The following PKNOX2 variants were observed in gnomAD, a reference collection of about 807,000 sequenced individuals.
PKNOX2 encodes the protein PBX/knotted 1 homeobox 2, also known as homeobox protein PKNOX2.
PKNOX2 carries 14 observed loss-of-function variants against 53.1 expected under a neutral mutation model. The ratio of observed to expected loss-of-function variants is 0.26; its 90% CI spans 0.17 to 0.41. The LOEUF (loss-of-function observed/expected upper bound fraction) is 0.41. Among genes scored for constraint, PKNOX2 ranks in the 10% least tolerant of loss-of-function variants. The pLI is 1.00. For missense variants in PKNOX2, 496 were observed against 602.8 expected (o/e 0.82, Z 1.85); for synonymous variants, 257 against 242.8 (o/e 1.06, Z -0.54).
At chr11:125,226,803 C>T (rs1941734921) in intron 1 of PKNOX2, among the ~76,000 whole-genome samples, 1 of 149,690 alleles carries the variant, frequency 6.7e-6, no homozygotes, top group African/African-American at 2.5e-5. Context: ...TAAATCGTTG[C>T]TCATTTTTCC....
At chr11:125,307,853 A>G (rs1948564378) in intron 2 of PKNOX2, among the ~76,000 whole-genome samples, 1 of 152,206 alleles carries the variant, frequency 6.6e-6, no homozygotes, top group South Asian at 2.1e-4. Context: ...CTAGTGGAGG[A>G]AACACATCAG....
intron 1 of PKNOX2, among the ~76,000 whole-genome samples, chr11:125,214,656 T>C (rs1380977288): frequency 6.6e-6 from 1 of 152,086 alleles, no homozygotes; most frequent in Non-Finnish European, 1.5e-5. Context: ...CTAGTTAGCA[T>C]CTGCACCATC....
At chr11:125,321,228 A>G (rs1384533219) in intron 2 of PKNOX2, among the ~76,000 whole-genome samples, 1 of 152,222 alleles carries the variant, frequency 6.6e-6, no homozygotes, top group African/African-American at 2.4e-5. Context: ...AGAGATCAGC[A>G]AACTTTTTCT....
At chr11:125,290,750 A>C (rs565811101) in intron 2 of PKNOX2, among the ~76,000 whole-genome samples, 1 of 152,286 alleles carries the variant, frequency 6.6e-6, no homozygotes, top group African/African-American at 2.4e-5. Context: ...GGATGCTCAC[A>C]GTGTGGTGGA....
chr11:125,214,570 G>A (rs771993381), intron 1 of PKNOX2, among the ~76,000 whole-genome samples: 2 of 152,042 alleles, frequency 1.3e-5, no homozygotes, highest in East Asian at 1.9e-4. Flanking sequence ...TTTTGCCTGG[G>A]CTGGCCCTGC....
At chr11:125,172,457 A>G (rs1223658103) in intron 1 of PKNOX2, among the ~76,000 whole-genome samples, 3 of 152,168 alleles carry the variant, frequency 2.0e-5, no homozygotes, top group Non-Finnish European at 2.9e-5. Flanking sequence ...GCCCTCTTCC[A>G]TCTCAGGAAC....
intron 2 of PKNOX2, among the ~76,000 whole-genome samples, chr11:125,312,822 T>C (rs1292532270): frequency 1.3e-5 from 2 of 152,100 alleles, no homozygotes; most frequent in African/African-American, 4.8e-5. Flanking sequence ...GCCAGGATGA[T>C]CAGACAAGGT....
intron 1 of PKNOX2, among the ~76,000 whole-genome samples, chr11:125,189,084 C>A (rs1043461561): frequency 5.3e-5 from 8 of 151,782 alleles, no homozygotes; most frequent in African/African-American, 1.9e-4. Flanking sequence ...TTGCTCTCTT[C>A]GTATTTTGGG....
intron 2 of PKNOX2, among the ~76,000 whole-genome samples, chr11:125,286,274 T>C (rs772721378): frequency 5.3e-5 from 8 of 152,156 alleles, no homozygotes; most frequent in Non-Finnish European, 1.2e-4. Flanking sequence ...CTTCACAAAT[T>C]TGAATTCCTG....
intron 2 of PKNOX2, among the ~76,000 whole-genome samples, chr11:125,244,399 C>T (rs569447903): frequency 6.6e-5 from 10 of 152,274 alleles, no homozygotes; most frequent in African/African-American, 2.4e-4. Flanking sequence ...CAGACGCTGC[C>T]TCCCCTTATC....
At position 125,367,878 on chromosome 11, in the gene PKNOX2, C is replaced by T. The variant is rs774364648; in HGVS notation, c.120C>T (p.Ala40=). 7 of 1,613,488 alleles carry T rather than the reference C, an allele frequency of 4.3e-6. 1 individual carries two copies. The South Asian group carries it at 7.7e-5, about 18-fold the overall frequency. Reference sequence around the variant, plus strand: ...CAACCGCCCAGCCACCCTCCAAGGCCCAGGCTGTCCACATCTCTGCCCCCT... The same window carrying T: ...CAACCGCCCAGCCACCCTCCAAGGCTCAGGCTGTCCACATCTCTGCCCCCT... ...MTATAQPPSK[A]QAVHISAPSA... The change falls in exon 5 of 13, where the codon GCC becomes GCT. Residue 40 remains alanine (A), a synonymous_variant. Coordinates refer to ENST00000298282, the MANE Select transcript of PKNOX2 (RefSeq NM_001382323.2).
intron 2 of PKNOX2, among the ~76,000 whole-genome samples, chr11:125,306,914 A>C (rs1279277950): frequency 1.3e-5 from 2 of 152,170 alleles, no homozygotes; most frequent in African/African-American, 4.8e-5. Flanking sequence ...AATGGATTTA[A>C]GGCCACAGGG....
chr11:125,229,741 G>T (rs181413112), intron 1 of PKNOX2, among the ~76,000 whole-genome samples: 39 of 152,240 alleles, frequency 2.6e-4, no homozygotes, highest in African/African-American at 9.1e-4. Context: ...CTTGGGTCTT[G>T]GTGTTTTAGC....
At chr11:125,263,859 G>C (rs973541500) in intron 2 of PKNOX2, among the ~76,000 whole-genome samples, 3 of 152,232 alleles carry the variant, frequency 2.0e-5, no homozygotes, top group Non-Finnish European at 4.4e-5. Flanking sequence ...GAGAACAGCT[G>C]CCTTGGCTGG....
chr11:125,292,266 G>C (rs1947354457), intron 2 of PKNOX2, among the ~76,000 whole-genome samples: 1 of 152,192 alleles, frequency 6.6e-6, no homozygotes, highest in African/African-American at 2.4e-5. Context: ...ATCTGCATCT[G>C]CTACCACCAG....
intron 1 of PKNOX2, among the ~76,000 whole-genome samples, chr11:125,226,853 G>T (rs1228804760): frequency 2.0e-5 from 3 of 150,768 alleles, no homozygotes; most frequent in Non-Finnish European, 4.4e-5. Context: ...GTTGCAGGCT[G>T]GCCCAGCTGT....
intron 5 of PKNOX2, among the ~76,000 whole-genome samples, chr11:125,379,590 CA>C (rs1953091178): frequency 6.6e-6 from 1 of 152,122 alleles, no homozygotes; most frequent in Admixed American, 6.5e-5. Flanking sequence ...TTGCCTGCCC[CA>C]TGATGCTCTC....
chr11:125,275,147 C>T (rs962972875), intron 2 of PKNOX2, among the ~76,000 whole-genome samples: 8 of 152,180 alleles, frequency 5.3e-5, no homozygotes, highest in African/African-American at 7.2e-5. Context: ...TAGGTCCTGA[C>T]GAATGCTGGG....
intron 7 of PKNOX2, among the ~76,000 whole-genome samples, chr11:125,409,883 A>G (rs190593847): frequency 1.4e-3 from 207 of 152,320 alleles, no homozygotes; most frequent in Non-Finnish European, 2.4e-3. Context: ...GAACCCAAGC[A>G]TCATTACTGG....
Sources: allele counts gnomAD v4.1 joint callset (sites outside exome capture counted in the v4.1 genomes callset), GRCh38; gene constraint gnomAD v4.1.1; transcripts MANE v1.5; gene names NCBI Gene and HGNC (gene_info 2026-07-23, HGNC 2026-07-21).